PEX5L: variants seen among roughly 807,000 people sequenced by gnomAD.
PEX5L encodes PEX5-related protein.
In PEX5L, 30 loss-of-function variants were observed where a neutral mutation model predicts 84.0. That is an observed-to-expected ratio of 0.36 (90% CI 0.27 to 0.48). The LOEUF (loss-of-function observed/expected upper bound fraction) is 0.48. Ranked by LOEUF, PEX5L falls within the 20% of genes least tolerant of loss-of-function variation. The probability of loss-of-function intolerance (pLI) is 0.99; values close to 1 mark genes in which losing one functional copy is unlikely to be tolerated. For synonymous variants in PEX5L, 270 were observed against 283.1 expected (o/e 0.95, Z 0.46); for missense variants, 533 against 754.6 (o/e 0.71, Z 3.44).
chr3:179,813,227 T>C (rs562359609), intron 10 of PEX5L, among the ~76,000 whole-genome samples: 1 of 152,198 alleles, frequency 6.6e-6, no homozygotes, highest in Non-Finnish European at 1.5e-5. Flanking sequence ...GTTATTACTT[T>C]AACTTTGAGG....
chr3:179,852,769 C>T (rs762916981), intron 8 of PEX5L, among the ~76,000 whole-genome samples: 1 of 152,046 alleles, frequency 6.6e-6, no homozygotes, highest in Non-Finnish European at 1.5e-5. Context: ...ATAAGAATAC[C>T]TCCTCAGGGT....
intron 1 of PEX5L, among the ~76,000 whole-genome samples, chr3:180,010,510 C>A (rs977893910): frequency 8.6e-5 from 13 of 151,932 alleles, no homozygotes; most frequent in African/African-American, 2.9e-4. Flanking sequence ...GGTTGAGAAA[C>A]CCTGGCATAC....
At chr3:179,852,281 G>A (rs530461079) in intron 8 of PEX5L, among the ~76,000 whole-genome samples, 4 of 152,214 alleles carry the variant, frequency 2.6e-5, no homozygotes, top group African/African-American at 9.6e-5. Context: ...ACCTCATATG[G>A]GCTGCCAACA....
In PEX5L at chr3:179,952,555, C is replaced by A. The variant is rs114053659; in HGVS notation, c.93+19039G>T. 9.8e-3 allele frequency among the ~76,000 whole-genome samples: 1,484 copies of A among 152,060 alleles called. 31 individuals are homozygous for A. Among genetic ancestry groups the A allele is most frequent in the African/African-American group, 0.034 (1,425 of 41,496 alleles). ...TACATCGTATCTATTCAACAATGATCTCCTCTTTAGGGAGAACCATAAACT... is the reference window on the plus strand; with the variant it reads ...TACATCGTATCTATTCAACAATGATATCCTCTTTAGGGAGAACCATAAACT... On this transcript the variant is annotated intron_variant, in intron 2 of 14. Transcript: ENST00000467460.
At position 179,859,493 on chromosome 3, in the gene PEX5L, C is replaced by T. The variant is rs78372628; in HGVS notation, c.727-336G>A. On this transcript the variant is annotated intron_variant, in intron 7 of 14. Transcript: ENST00000467460. Reference sequence around the variant, plus strand: ...TTAACCTCTCCAAGTGATTCTGATACGCAGCTAGGATGGGCAATCTCCATT... The same window carrying T: ...TTAACCTCTCCAAGTGATTCTGATATGCAGCTAGGATGGGCAATCTCCATT... Among the ~76,000 whole-genome samples, 563 of 152,304 alleles carry T rather than the reference C, an allele frequency of 3.7e-3. 5 individuals are homozygous for T. The highest frequency in any genetic ancestry group is 0.027 in the East Asian group (141 of 5,192).
At chr3:179,973,886 C>T (rs1785382579) in intron 1 of PEX5L, 2 of 985,374 alleles carry the variant, frequency 2.0e-6, no homozygotes, top group Non-Finnish European at 2.4e-6. Flanking sequence ...AGTCTCCAAA[C>T]AGCACACAAC....
chr3:179,831,109 A>G (rs1420902708), intron 8 of PEX5L, among the ~76,000 whole-genome samples: 1 of 152,170 alleles, frequency 6.6e-6, no homozygotes, highest in Non-Finnish European at 1.5e-5. Context: ...TGAGGTCAGG[A>G]GTTCAAGACC....
rs139469527 is a variant in PEX5L at position 179,898,226 on chromosome 3, T to G, written c.114A>C (p.Ala38=). Residue 38 remains alanine (A), a synonymous_variant, in exon 3 of 15, where the codon GCA becomes GCC. Transcript: ENST00000467460. ...TCATCACCATGGCAACAGCCTTATC[T>G]GCCGCCCTAGAGCCTTTTCCCTATA... ...DQKQGKGSRA[A]DKAVAMVMKE... is the part of the protein sequence containing the mutation. 1.2e-5 allele frequency: 19 copies of G among 1,613,226 alleles called. No individual in the cohort carries two copies. The highest frequency in any genetic ancestry group is 1.6e-5 in the Non-Finnish European group (19 of 1,179,284).
At chr3:179,849,699 A>G (rs1259099040) in intron 8 of PEX5L, among the ~76,000 whole-genome samples, 2 of 152,268 alleles carry the variant, frequency 1.3e-5, no homozygotes, top group Admixed American at 1.3e-4. Context: ...ATGGACAAAC[A>G]GAAGCACAGA....
At chr3:179,804,028 CCCAGA>C (rs1720166163) in intron 14 of PEX5L, 1 of 152,172 alleles carries the variant, frequency 6.6e-6, no homozygotes, top group African/African-American at 2.4e-5. Context: ...CTCTCATAGA[CCCAGA>C]CCTGCAAGAA....
intron 4 of PEX5L, among the ~76,000 whole-genome samples, chr3:179,882,349 T>C (rs1439278120): frequency 1.3e-5 from 2 of 152,248 alleles, no homozygotes; most frequent in African/African-American, 2.4e-5. Flanking sequence ...GAATTCAAAC[T>C]TGGCTCAGTA....
chr3:179,874,308 G>A lies in PEX5L; in HGVS notation c.726+19C>T. On this transcript the variant is annotated intron_variant, in intron 7 of 14. Coordinates refer to ENST00000467460, the MANE Select transcript of PEX5L (RefSeq NM_016559.3). ...ATATATAGGGAAAGATGTGTTCATT[G>A]AATAATCAGTTTTGTTACCTGAGTC... is the stretch of plus-strand genomic sequence containing the variant. 1 of 1,366,388 alleles carries A rather than the reference G, an allele frequency of 7.3e-7. No individual in the cohort carries two copies. The highest frequency in any genetic ancestry group is 1.0e-6 in the Non-Finnish European group (1 of 955,520). The allele number at this position is 1,366,388 out of a possible 1,614,324, so 84.6% of individuals were successfully genotyped here. A position where few individuals can be genotyped will look rare whatever the true frequency, so the allele number is the denominator to read the frequency against.
At chr3:179,914,809 T>C (rs1044150668) in intron 2 of PEX5L, among the ~76,000 whole-genome samples, 1 of 152,174 alleles carries the variant, frequency 6.6e-6, no homozygotes, top group Non-Finnish European at 1.5e-5. Context: ...AAAAGAAAGG[T>C]TGTTATGAAT....
At chr3:179,952,717 T>G (rs7610053) in intron 2 of PEX5L, among the ~76,000 whole-genome samples, 109,747 of 151,996 alleles carry the variant, frequency 0.72, 40,308 homozygotes, top group East Asian at 0.88. Context: ...CATCAAGCTA[T>G]CATTGACTTT....
At chr3:179,811,980 A>C in intron 10 of PEX5L, 109 bp from the exon 11 acceptor site, 1 of 826,956 alleles carries the variant, frequency 1.2e-6, no homozygotes, top group South Asian at 1.4e-5. Context: ...AAGCTGTCTC[A>C]TATGTGAGCG....
chr3:179,851,414 C>G (rs970294212), intron 8 of PEX5L, among the ~76,000 whole-genome samples: 7 of 152,284 alleles, frequency 4.6e-5, no homozygotes, highest in African/African-American at 1.7e-4. Context: ...GACCTAGTCA[C>G]TTCCCAAAGG....
rs1786506770 is a variant in PEX5L, at chr3:179,983,285, C to T, written c.22-11620G>A. 4.6e-5 allele frequency among the ~76,000 whole-genome samples: 7 copies of T among 151,932 alleles called. No individual in the cohort carries two copies. In the South Asian group the frequency reaches 1.5e-3, roughly 32 times the overall value. On this transcript the variant is annotated intron_variant, in intron 1 of 14. Transcript: ENST00000467460. Reference sequence around the variant, plus strand: ...TTCATATTAATACACATATATCCACCTTACACATCCAAATCTACCTTAAAT... The same window carrying T: ...TTCATATTAATACACATATATCCACTTTACACATCCAAATCTACCTTAAAT...
chr3:180,003,664 T>C (rs1012823239), intron 1 of PEX5L, among the ~76,000 whole-genome samples: 4 of 152,150 alleles, frequency 2.6e-5, no homozygotes, highest in Admixed American at 1.3e-4. Context: ...CGTTCTTCAA[T>C]TTGGAAAATA....
Position 180,024,381 on chromosome 3 carries a change from C to CAAA in PEX5L, c.21+12195_21+12197dup, listed in dbSNP as rs112285009. Among the ~76,000 whole-genome samples the CAAA allele has an allele frequency of 4.0e-5, 4 of 100,932 alleles. 1 individual carries two copies. Among genetic ancestry groups the CAAA allele is most frequent in the African/African-American group, 1.1e-4 (3 of 26,880 alleles). 66.2% of individuals were successfully genotyped at this position (100,932 alleles called of 152,430 possible). On this transcript the variant is annotated intron_variant, in intron 1 of 14. Coordinates refer to ENST00000467460, the MANE Select transcript of PEX5L (RefSeq NM_016559.3). ...ATATATATATATATATATACACACA[C>CAAA]AAAAAAAAAAAAAATTAGCCGTGCG...
Sources: gnomAD v4.1 joint callset for allele counts (sites outside exome capture counted in the v4.1 genomes callset) on GRCh38, gnomAD v4.1.1 for gene constraint, MANE v1.5 for transcripts, NCBI Gene and HGNC (gene_info 2026-07-23, HGNC 2026-07-21) for gene names.